Variants in CHODL observed in about 807,000 individuals in gnomAD.
The protein encoded by CHODL is transmembrane protein MT75.
In CHODL, 29 loss-of-function variants were observed where a neutral mutation model predicts 34.5. The observed-to-expected ratio is 0.84, with a 90% confidence interval of 0.63 to 1.15. CHODL has a LOEUF of 1.15. CHODL is among the 50% of genes most tolerant of loss of function. CHODL has a pLI of 0.00. For missense variants in CHODL, 332 were observed against 332.5 expected (o/e 1.00, Z 0.01); for synonymous variants, 125 against 116.1 (o/e 1.08, Z -0.49).
intron 1 of CHODL, among the ~76,000 whole-genome samples, chr21:17,999,738 C>T (rs1427783936): frequency 2.0e-5 from 3 of 152,150 alleles, no homozygotes; most frequent in African/African-American, 7.2e-5. Context: ...CCCACTGGGT[C>T]CCTCCCACAA....
At chr21:18,121,947 T>C (rs2065484668) in intron 2 of CHODL, among the ~76,000 whole-genome samples, 1 of 152,194 alleles carries the variant, frequency 6.6e-6, no homozygotes, top group African/African-American at 2.4e-5. Context: ...GAATGCAGAT[T>C]TTTATTATCA....
At chr21:18,107,099 A>G (rs1344059854) in intron 2 of CHODL, among the ~76,000 whole-genome samples, 1 of 152,218 alleles carries the variant, frequency 6.6e-6, no homozygotes, top group East Asian at 1.9e-4. Flanking sequence ...TAGCAATGCC[A>G]TTTTCAGACT....
At chr21:18,222,238 G>T (rs1568943292) in intron 2 of CHODL, among the ~76,000 whole-genome samples, 1 of 152,094 alleles carries the variant, frequency 6.6e-6, no homozygotes, top group Non-Finnish European at 1.5e-5. Context: ...TCTCTATCCT[G>T]GGTTATAGGG....
intron 2 of CHODL, among the ~76,000 whole-genome samples, chr21:18,046,402 C>A (rs1479903295): frequency 6.6e-6 from 1 of 151,896 alleles, no homozygotes; most frequent in Non-Finnish European, 1.5e-5. Flanking sequence ...GATGGTGGCA[C>A]ACACCCGCCT....
intron 2 of CHODL, among the ~76,000 whole-genome samples, chr21:18,048,583 C>T (rs1402043729): frequency 6.6e-6 from 1 of 151,786 alleles, no homozygotes; most frequent in Admixed American, 6.6e-5. Flanking sequence ...ATTCTGAAAC[C>T]CATTAAACCC....
intron 1 of CHODL, among the ~76,000 whole-genome samples, chr21:17,976,051 C>T (rs552210552): frequency 6.5e-4 from 98 of 151,798 alleles, no homozygotes; most frequent in Non-Finnish European, 1.1e-3. Context: ...GTTAATATGA[C>T]GAAACTCTAA....
chr21:18,193,709 AAT>A (rs1491055301), intron 2 of CHODL, among the ~76,000 whole-genome samples: 2 of 143,078 alleles, frequency 1.4e-5, no homozygotes, highest in Admixed American at 7.3e-5. Flanking sequence ...AAAAAAAAAA[AAT>A]AAAATAAATA....
chr21:18,012,444 G>GA (rs1158560195), intron 1 of CHODL, among the ~76,000 whole-genome samples: 1 of 152,108 alleles, frequency 6.6e-6, no homozygotes, highest in African/African-American at 2.4e-5. Flanking sequence ...GTTGCCAGCT[G>GA]AAAAATGGTA....
chr21:18,053,405 A>G (rs1312451931), intron 2 of CHODL, among the ~76,000 whole-genome samples: 2 of 151,938 alleles, frequency 1.3e-5, no homozygotes, highest in African/African-American at 4.8e-5. Context: ...AGAATTGCCA[A>G]TACCAGAGGT....
chr21:18,110,681 G>A (rs1299042084), intron 2 of CHODL, among the ~76,000 whole-genome samples: 2 of 152,006 alleles, frequency 1.3e-5, no homozygotes, highest in Non-Finnish European at 2.9e-5. Flanking sequence ...AATGAGAGTG[G>A]GAAAAGCACT....
At chr21:18,081,612 C>T (rs374573346) in intron 2 of CHODL, among the ~76,000 whole-genome samples, 5 of 150,376 alleles carry the variant, frequency 3.3e-5, no homozygotes, top group East Asian at 3.9e-4. Context: ...ACCCAGGAGG[C>T]GGAGGTTGCA....
chr21:18,210,973 C>A (rs1362430846), intron 2 of CHODL, among the ~76,000 whole-genome samples: 1 of 152,144 alleles, frequency 6.6e-6, no homozygotes, highest in East Asian at 1.9e-4. Context: ...ACTATCATCC[C>A]TGATTGAATT....
At chr21:18,131,410 ATC>A (rs2072653100) in intron 2 of CHODL, among the ~76,000 whole-genome samples, 1 of 152,140 alleles carries the variant, frequency 6.6e-6, no homozygotes. Context: ...TTCAATGTAA[ATC>A]TATTCTCATC....
chr21:17,960,449 A>G (rs2063523573), intron 1 of CHODL, among the ~76,000 whole-genome samples: 1 of 152,184 alleles, frequency 6.6e-6, no homozygotes, highest in South Asian at 2.1e-4. Flanking sequence ...GCCAAATTCA[A>G]TAACATGTCC....
intron 2 of CHODL, among the ~76,000 whole-genome samples, chr21:18,042,233 AT>A (rs1330465700): frequency 6.6e-6 from 1 of 151,928 alleles, no homozygotes; most frequent in African/African-American, 2.4e-5. Context: ...CACAGCACAG[AT>A]TTAAATACAC....
intron 2 of CHODL, among the ~76,000 whole-genome samples, chr21:18,145,435 CAAAAAAAAA>C (rs10671177): frequency 3.3e-5 from 2 of 60,894 alleles, no homozygotes; most frequent in African/African-American, 1.1e-4. Flanking sequence ...GACTACCTTT[CAAAAAAAAA>C]AAAAAAAAAA....
At chr21:18,202,793 T>A (rs1364242784) in intron 2 of CHODL, among the ~76,000 whole-genome samples, 2 of 152,222 alleles carry the variant, frequency 1.3e-5, no homozygotes, top group Non-Finnish European at 2.9e-5. Context: ...ATTTGGTTTT[T>A]AATACAGTGA....
intron 2 of CHODL, among the ~76,000 whole-genome samples, chr21:18,220,274 C>A (rs1284628015): frequency 1.3e-5 from 2 of 152,060 alleles, no homozygotes; most frequent in Non-Finnish European, 2.9e-5. Flanking sequence ...CTTTTAAGTC[C>A]ATTCAGCCAG....
At chr21:18,151,071 A>AGACTC (rs2072959703) in intron 2 of CHODL, among the ~76,000 whole-genome samples, 1 of 124,844 alleles carries the variant, frequency 8.0e-6, no homozygotes, top group African/African-American at 3.2e-5. Flanking sequence ...CGACAGAGCG[A>AGACTC]GACTCTGTGT....
Sources: gnomAD v4.1 joint callset for allele counts (sites outside exome capture counted in the v4.1 genomes callset) on GRCh38, gnomAD v4.1.1 for gene constraint, MANE v1.5 for transcripts, NCBI Gene and HGNC (gene_info 2026-07-23, HGNC 2026-07-21) for gene names.